UMAD1: variants seen among roughly 807,000 people sequenced by gnomAD.
The protein encoded by UMAD1 is UBAP1-MVB12-associated (UMA)-domain containing protein 1.
UMAD1 carries 8 observed loss-of-function variants against 6.1 expected under a neutral mutation model. The observed-to-expected ratio is 1.30, with a 90% confidence interval of 0.76 to 2.35. UMAD1 has a LOEUF of 2.35. Ranked by LOEUF, UMAD1 falls within the 30% of genes most tolerant of loss-of-function variation. The pLI is 0.00. For synonymous variants in UMAD1, 56 were observed against 31.4 expected (o/e 1.78, Z -2.61); for missense variants, 130 against 78.4 (o/e 1.66, Z -2.49).
chr7:7,754,054 G>A (rs113559665), intron 2 of UMAD1, among the ~76,000 whole-genome samples: 15,091 of 152,036 alleles, frequency 0.099, 814 homozygotes, highest in African/African-American at 0.14. Flanking sequence ...GCGTGGTGGC[G>A]GGCGCCTGTA....
intron 1 of UMAD1, among the ~76,000 whole-genome samples, chr7:7,643,806 T>C: frequency 6.6e-6 from 1 of 151,712 alleles, no homozygotes; most frequent in African/African-American, 2.4e-5. Context: ...CCCGCTTGGG[T>C]CTCTAACAAG....
chr7:7,683,611 AT>A (rs1481834967), intron 2 of UMAD1, among the ~76,000 whole-genome samples: 2 of 151,984 alleles, frequency 1.3e-5, no homozygotes, highest in African/African-American at 4.8e-5. Context: ...ATGAAATGAA[AT>A]TTGTTTTCTT....
intron 2 of UMAD1, chr7:7,742,280 T>G: frequency 1.5e-6 from 1 of 661,684 alleles, no homozygotes. Context: ...GCTGTTGTCT[T>G]CTGTCTTCTT....
intron 2 of UMAD1, among the ~76,000 whole-genome samples, chr7:7,798,544 A>G (rs1258114794): frequency 6.6e-6 from 1 of 152,186 alleles, no homozygotes; most frequent in Non-Finnish European, 1.5e-5. Context: ...AAAACAGATA[A>G]TCTATGGGGC....
chr7:7,849,073 T>C (rs1783863958), intron 3 of UMAD1, among the ~76,000 whole-genome samples: 1 of 152,196 alleles, frequency 6.6e-6, no homozygotes, highest in Admixed American at 6.6e-5. Context: ...TTGATGGACA[T>C]GTTCAAATTT....
intron 3 of UMAD1, among the ~76,000 whole-genome samples, chr7:7,826,795 A>G (rs73055855): frequency 0.027 from 4,118 of 152,250 alleles, 67 homozygotes; most frequent in South Asian, 0.043. Context: ...TTAGCTAGGC[A>G]CATTGCCACC....
intron 3 of UMAD1, among the ~76,000 whole-genome samples, chr7:7,813,713 A>G (rs867381177): frequency 6.6e-6 from 1 of 152,200 alleles, no homozygotes; most frequent in African/African-American, 2.4e-5. Context: ...TTTGAAGAAC[A>G]TGCTGTTTAT....
At chr7:7,687,709 A>G (rs1563123099) in intron 2 of UMAD1, among the ~76,000 whole-genome samples, 1 of 152,230 alleles carries the variant, frequency 6.6e-6, no homozygotes, top group Non-Finnish European at 1.5e-5. Context: ...CGGTATTTCC[A>G]TCAAAAATGA....
chr7:7,647,326 AG>A (rs1785119768), intron 1 of UMAD1, among the ~76,000 whole-genome samples: 1 of 152,148 alleles, frequency 6.6e-6, no homozygotes, highest in African/African-American at 2.4e-5. Context: ...TTATAATCTG[AG>A]GGTATGGTTT....
intron 3 of UMAD1, among the ~76,000 whole-genome samples, chr7:7,842,658 CTTA>C (rs1783705753): frequency 6.6e-6 from 1 of 150,756 alleles, no homozygotes; most frequent in East Asian, 1.9e-4. Context: ...ACTAAGAAAG[CTTA>C]TTATCTGAAG....
At chr7:7,844,523 C>G (rs11769053) in intron 3 of UMAD1, among the ~76,000 whole-genome samples, 38,446 of 152,080 alleles carry the variant, frequency 0.25, 5,958 homozygotes, top group Middle Eastern at 0.38. Context: ...TCTTCCCCAA[C>G]ATCACTGTGT....
chr7:7,644,723 C>T (rs1785057402), intron 1 of UMAD1, among the ~76,000 whole-genome samples: 1 of 152,170 alleles, frequency 6.6e-6, no homozygotes, highest in Non-Finnish European at 1.5e-5. Context: ...CCCTGAACCA[C>T]TACCTATTTT....
chr7:7,804,382 C>T (rs1215913870), intron 3 of UMAD1, among the ~76,000 whole-genome samples: 1 of 152,114 alleles, frequency 6.6e-6, no homozygotes, highest in African/African-American at 2.4e-5. Context: ...CTTTAAAATA[C>T]AAAAATGAGA....
chr7:7,858,057 C>A lies in UMAD1; in HGVS notation c.157-19224C>A, dbSNP rs187676767. ...TGTGACTTCTCTGTACTTCAGTATT[C>A]CCCATCTGTTAAGTGGAGATTAAAA... On this transcript the variant is annotated intron_variant, in intron 3 of 3. Transcript: ENST00000682710. 1.5e-3 allele frequency among the ~76,000 whole-genome samples: 229 copies of A among 152,256 alleles called. 2 individuals are homozygous for A. The highest frequency in any genetic ancestry group is 5.3e-3 in the African/African-American group (221 of 41,540).
chr7:7,757,971 A>G (rs1385864974), intron 2 of UMAD1, among the ~76,000 whole-genome samples: 1 of 152,142 alleles, frequency 6.6e-6, no homozygotes, highest in Non-Finnish European at 1.5e-5. Flanking sequence ...TCACTCATAA[A>G]ACAGAAATGC....
chr7:7,816,264 C>T (rs1195986066), intron 3 of UMAD1, among the ~76,000 whole-genome samples: 1 of 152,176 alleles, frequency 6.6e-6, no homozygotes, highest in Admixed American at 6.5e-5. Flanking sequence ...TGCTTTGCAT[C>T]GTGTTGTTTT....
At position 7,673,439 on chromosome 7, in the gene UMAD1, G is replaced by A; in HGVS notation, c.68G>A (p.Gly23Glu). 1 of 911,560 alleles carries A rather than the reference G, an allele frequency of 1.1e-6. No homozygotes were observed. Among genetic ancestry groups the A allele is most frequent in the Non-Finnish European group, 1.7e-6 (1 of 575,000 alleles). The allele number at this position is 911,560 out of a possible 1,614,324, so 56.5% of individuals were successfully genotyped here. Residue 23 changes from glycine (G) to glutamate (E), a missense_variant, in exon 2 of 4, where the codon GGA (glycine) becomes GAA (glutamate). Coordinates refer to ENST00000682710, the MANE Select transcript of UMAD1 (RefSeq NM_001302348.2). ...TCAGTACCAGAGACAGAAGCAGATG[G>A]ATTCGTCCTTTTAGGTGAGTCTTTT... The part of the protein sequence containing the change: ...KPSVPETEAD[G>E]FVLLGDTTDE...
At chr7:7,785,029 T>C (rs973268909) in intron 2 of UMAD1, among the ~76,000 whole-genome samples, 1 of 152,170 alleles carries the variant, frequency 6.6e-6, no homozygotes, top group African/African-American at 2.4e-5. Context: ...GTGGCATGTG[T>C]AGTATTTGTG....
At chr7:7,642,535 TAGAA>T (rs1230971776) in intron 1 of UMAD1, among the ~76,000 whole-genome samples, 3 of 152,102 alleles carry the variant, frequency 2.0e-5, no homozygotes, top group South Asian at 2.1e-4. Flanking sequence ...TACCTGCAGT[TAGAA>T]AGACCACTTT....
Sources: gnomAD v4.1 joint callset for allele counts (sites outside exome capture counted in the v4.1 genomes callset) on GRCh38, gnomAD v4.1.1 for gene constraint, MANE v1.5 for transcripts, NCBI Gene and HGNC (gene_info 2026-07-23, HGNC 2026-07-21) for gene names.